The following MGMT variants were observed in gnomAD, a reference collection of about 807,000 sequenced individuals.
MGMT encodes the protein methylated-DNA--protein-cysteine methyltransferase.
Under a neutral mutation model 15.9 loss-of-function variants are expected in MGMT, and 14 were observed. That is an observed-to-expected ratio of 0.88 (90% CI 0.58 to 1.37). MGMT has a LOEUF of 1.37. Ranked by LOEUF, MGMT falls within the 40% of genes most tolerant of loss-of-function variation. The probability of loss-of-function intolerance (pLI) is 0.00; values close to 1 mark genes in which losing one functional copy is unlikely to be tolerated. For synonymous variants in MGMT, 130 were observed against 118.2 expected (o/e 1.10, Z -0.65); for missense variants, 282 against 268.1 (o/e 1.05, Z -0.36).
chr10:129,514,566 G>T (rs937834454), intron 1 of MGMT, among the ~76,000 whole-genome samples: 8 of 152,094 alleles, frequency 5.3e-5, no homozygotes, highest in African/African-American at 1.9e-4. Context: ...TGCATACAGT[G>T]AGTACTATGG....
chr10:129,708,885 A>G (rs1187387491), intron 3 of MGMT, among the ~76,000 whole-genome samples: 1 of 152,230 alleles, frequency 6.6e-6, no homozygotes, highest in Non-Finnish European at 1.5e-5. Flanking sequence ...GGTAAGCTTA[A>G]CAGTATTCTA....
chr10:129,766,893 C>T lies in MGMT; in HGVS notation c.520C>T (p.His174Tyr), dbSNP rs1450516523. 2 of 1,613,558 alleles carry T rather than the reference C, an allele frequency of 1.2e-6. No homozygotes were observed. Among genetic ancestry groups the T allele is most frequent in the Admixed American group, 1.7e-5 (1 of 60,032 alleles). ...VKEWLLAHEGHRLGKPGLGGS... is the reference protein window; with the variant it reads ...VKEWLLAHEGYRLGKPGLGGS... ...GGAATGGCTTCTGGCCCATGAAGGC[C>T]ACCGGTTGGGGAAGCCAGGCTTGGG... The change falls in exon 5 of 5, where the codon CAC becomes TAC. Residue 174 changes from histidine to tyrosine, a missense_variant. Transcript: ENST00000651593.
intron 2 of MGMT, among the ~76,000 whole-genome samples, chr10:129,561,983 C>T (rs532601598): frequency 1.2e-4 from 19 of 152,146 alleles, no homozygotes; most frequent in African/African-American, 2.7e-4. Flanking sequence ...GACCCTCGAA[C>T]GAAATTTAAA....
At chr10:129,477,718 G>A (rs1045897734) in intron 1 of MGMT, among the ~76,000 whole-genome samples, 5 of 152,212 alleles carry the variant, frequency 3.3e-5, no homozygotes, top group Admixed American at 6.5e-5. Flanking sequence ...CTCCAGAACC[G>A]TGAGAAGATA....
intron 1 of MGMT, among the ~76,000 whole-genome samples, chr10:129,522,057 CACA>C (rs1416711214): frequency 0.054 from 5 of 92 alleles, no homozygotes; most frequent in African/African-American, 0.11. Context: ...ACTTAATGCA[CACA>C]GAACCACAGA....
intron 1 of MGMT, among the ~76,000 whole-genome samples, chr10:129,521,509 C>A (rs1845810125): frequency 6.6e-6 from 1 of 152,172 alleles, no homozygotes; most frequent in Non-Finnish European, 1.5e-5. Context: ...AGAGAGGGAA[C>A]CTCTGGCAGT....
intron 2 of MGMT, among the ~76,000 whole-genome samples, chr10:129,640,595 G>C (rs1033078667): frequency 3.1e-5 from 1 of 32,394 alleles, no homozygotes; most frequent in Non-Finnish European, 6.3e-5. Flanking sequence ...GAAAATACAC[G>C]AGGAAATACT....
intron 1 of MGMT, among the ~76,000 whole-genome samples, chr10:129,511,206 A>G (rs7083508): frequency 0.15 from 21,984 of 146,580 alleles, 2,288 homozygotes; most frequent in African/African-American, 0.29. Flanking sequence ...GGAACCCTGT[A>G]TATCAGATGC....
chr10:129,603,439 G>A (rs918678163), intron 2 of MGMT, among the ~76,000 whole-genome samples: 1 of 152,186 alleles, frequency 6.6e-6, no homozygotes, highest in Non-Finnish European at 1.5e-5. Flanking sequence ...TTTCTACCTG[G>A]ATATGCATAA....
chr10:129,522,498 C>T (rs971694990), intron 1 of MGMT, among the ~76,000 whole-genome samples: 15 of 152,204 alleles, frequency 9.9e-5, no homozygotes, highest in Admixed American at 2.0e-4. Context: ...GTAGGATCTG[C>T]GCACACAAGG....
intron 2 of MGMT, among the ~76,000 whole-genome samples, chr10:129,559,146 T>C (rs1289463725): frequency 2.0e-5 from 3 of 152,196 alleles, no homozygotes; most frequent in African/African-American, 7.2e-5. Context: ...CCTAAATCTT[T>C]AACTCTCCTT....
chr10:129,746,011 G>A (rs764681202), intron 3 of MGMT, among the ~76,000 whole-genome samples: 24 of 151,958 alleles, frequency 1.6e-4, no homozygotes, highest in East Asian at 3.9e-4. Flanking sequence ...CCAAGGGGGC[G>A]GATCATGAGG....
intron 2 of MGMT, among the ~76,000 whole-genome samples, chr10:129,665,378 C>T (rs1847647875): frequency 1.3e-5 from 2 of 151,662 alleles, no homozygotes; most frequent in African/African-American, 4.9e-5. Context: ...CATTCCCTCA[C>T]TTGGAGAACT....
intron 2 of MGMT, among the ~76,000 whole-genome samples, chr10:129,585,007 C>T (rs1002514338): frequency 2.0e-5 from 3 of 152,102 alleles, no homozygotes; most frequent in Non-Finnish European, 2.9e-5. Context: ...GAGTAGGATT[C>T]CTGGGTCCGA....
chr10:129,617,500 A>T (rs1254296064), intron 2 of MGMT, among the ~76,000 whole-genome samples: 1 of 152,148 alleles, frequency 6.6e-6, no homozygotes, highest in African/African-American at 2.4e-5. Flanking sequence ...TTGAGAAGTC[A>T]CCAAACTGCT....
intron 1 of MGMT, among the ~76,000 whole-genome samples, chr10:129,516,256 T>C (rs1441803757): frequency 6.6e-6 from 1 of 152,236 alleles, no homozygotes; most frequent in Non-Finnish European, 1.5e-5. Flanking sequence ...CCACATCAGC[T>C]TTGCTGTTAG....
At chr10:129,650,486 G>A (rs1001710381) in intron 2 of MGMT, among the ~76,000 whole-genome samples, 17 of 152,208 alleles carry the variant, frequency 1.1e-4, no homozygotes, top group Admixed American at 3.3e-4. Context: ...AGATGCCTCC[G>A]AAGGTGCCGG....
At chr10:129,489,058 A>C (rs994056835) in intron 1 of MGMT, among the ~76,000 whole-genome samples, 1 of 152,140 alleles carries the variant, frequency 6.6e-6, no homozygotes, top group East Asian at 1.9e-4. Flanking sequence ...GCTTTAGGCT[A>C]ACTCTTAAAA....
At chr10:129,581,979 T>C (rs1460491755) in intron 2 of MGMT, among the ~76,000 whole-genome samples, 1 of 152,238 alleles carries the variant, frequency 6.6e-6, no homozygotes, top group African/African-American at 2.4e-5. Flanking sequence ...GCTCTGCCTG[T>C]CTGTGCAGGA....
Sources: gnomAD v4.1 joint callset for allele counts (sites outside exome capture counted in the v4.1 genomes callset) on GRCh38, gnomAD v4.1.1 for gene constraint, MANE v1.5 for transcripts, NCBI Gene and HGNC (gene_info 2026-07-23, HGNC 2026-07-21) for gene names.